Variants in FAM13B observed in about 807,000 individuals in gnomAD.
The protein encoded by FAM13B is family with sequence similarity 13 member B, also known as protein FAM13B.
FAM13B carries 60 observed loss-of-function variants against 117.3 expected under a neutral mutation model. That is an observed-to-expected ratio of 0.51 (90% CI 0.42 to 0.63). The LOEUF is 0.63. Among genes scored for constraint, FAM13B ranks in the 30% least tolerant of loss-of-function variants. The pLI, the probability that FAM13B is intolerant of heterozygous loss-of-function variation, is 0.00. For missense variants in FAM13B, 972 were observed against 1,091.9 expected, an observed-to-expected ratio of 0.89 and a Z score of 1.55; for synonymous variants, 332 against 356.1, an observed-to-expected ratio of 0.93 and a Z score of 0.76.
chr5:138,008,221 C>A (rs1377149697), intron 6 of FAM13B, among the ~76,000 whole-genome samples: 1 of 152,018 alleles, frequency 6.6e-6, no homozygotes, highest in Non-Finnish European at 1.5e-5. Flanking sequence ...GGGTTGGAAC[C>A]CTTGAACCCA....
intron 7 of FAM13B, among the ~76,000 whole-genome samples, chr5:138,003,519 A>T (rs777593049): frequency 6.6e-6 from 1 of 152,196 alleles, no homozygotes; most frequent in Admixed American, 6.5e-5. Flanking sequence ...CATAAATATT[A>T]CTAAATCTAG....
chr5:137,982,351 G>C (rs570927024), intron 10 of FAM13B, among the ~76,000 whole-genome samples: 1 of 152,122 alleles, frequency 6.6e-6, no homozygotes, highest in Admixed American at 6.6e-5. Flanking sequence ...TCAGGAGCTC[G>C]AGACCAGTCT....
chr5:138,033,399 GCC>G (rs1790717391), upstream of FAM13B, among the ~76,000 whole-genome samples: 1 of 152,200 alleles, frequency 6.6e-6, no homozygotes, highest in South Asian at 2.1e-4. Flanking sequence ...AGGAAGCCAG[GCC>G]CCCAGGGCGC....
chr5:137,973,195 C>G (rs1318449923), intron 10 of FAM13B, among the ~76,000 whole-genome samples: 2 of 152,204 alleles, frequency 1.3e-5, no homozygotes, highest in African/African-American at 4.8e-5. Flanking sequence ...ATCACACTAC[C>G]TGACTTCAAA....
intron 2 of FAM13B, among the ~76,000 whole-genome samples, chr5:138,020,153 T>C (rs994540568): frequency 6.6e-6 from 1 of 151,964 alleles, no homozygotes; most frequent in African/African-American, 2.4e-5. Context: ...ATTCACCGCC[T>C]GGGTTCAGGC....
intron 10 of FAM13B, among the ~76,000 whole-genome samples, chr5:137,967,417 G>A (rs1031481380): frequency 2.0e-5 from 3 of 152,104 alleles, no homozygotes; most frequent in South Asian, 4.1e-4. Context: ...CTAGCTACTC[G>A]GGAGGCTGAG....
Position 137,942,778 on chromosome 5 carries a change from T to C in FAM13B, c.2588+97A>G, listed in dbSNP as rs1403776698. 58 of 999,868 alleles carry C rather than the reference T, an allele frequency of 5.8e-5. No individual in the cohort carries two copies. In the South Asian group the frequency reaches 9.3e-4, roughly 16 times the overall value. The allele number at this position is 999,868 out of a possible 1,614,324, so 61.9% of individuals were successfully genotyped here. ...TGTCCTTTGATAAATTCTTGATTCA[T>C]CTCCTATTAATTCCTTAATACTCAT... is the stretch of plus-strand genomic sequence containing the variant. On this transcript the variant is annotated intron_variant, in intron 22 of 23. Transcript: ENST00000689681.
At chr5:137,988,830 A>C (rs1210760822) in intron 7 of FAM13B, among the ~76,000 whole-genome samples, 21 of 152,182 alleles carry the variant, frequency 1.4e-4, no homozygotes, top group Admixed American at 1.4e-3. Context: ...TGATGAACCT[A>C]ATTTTCTAAA....
At chr5:138,006,071 G>C (rs1182453553) in intron 7 of FAM13B, among the ~76,000 whole-genome samples, 3 of 152,062 alleles carry the variant, frequency 2.0e-5, no homozygotes, top group African/African-American at 4.8e-5. Context: ...GCTAATTTTT[G>C]TATTTTTAGT....
intron 7 of FAM13B, among the ~76,000 whole-genome samples, chr5:137,996,737 G>A (rs1028748048): frequency 1.3e-5 from 2 of 151,938 alleles, no homozygotes; most frequent in East Asian, 1.9e-4. Context: ...GATTACAGGC[G>A]CTCACCAACA....
Position 137,940,297 on chromosome 5 carries a change from G to A in FAM13B, c.2742C>T (p.Tyr914=), listed in dbSNP as rs774438924. Residue 914 remains tyrosine, a synonymous_variant, in exon 24 of 24, where the codon TAC becomes TAT. Transcript: ENST00000689681. ...RVPVLEEYRE[Y]KKIKAKLRLL... is the part of the protein sequence containing the mutation. ...GCCTAAGCTTGGCTTTAATTTTCTTGTACTCTCTGTACTCCTCAAGCACTG... is the reference window on the plus strand; with the variant it reads ...GCCTAAGCTTGGCTTTAATTTTCTTATACTCTCTGTACTCCTCAAGCACTG... 6.2e-7 allele frequency: 1 copy of A among 1,608,850 alleles called. No homozygotes were observed. The highest frequency in any genetic ancestry group is 8.5e-7 in the Non-Finnish European group (1 of 1,175,382).
At chr5:137,966,178 T>C (rs1044620694) in intron 10 of FAM13B, among the ~76,000 whole-genome samples, 37 of 151,794 alleles carry the variant, frequency 2.4e-4, no homozygotes, top group Non-Finnish European at 4.7e-4. Context: ...GGCTCATGCC[T>C]GTAATCCCAG....
At chr5:138,024,946 C>T (rs1402420311) in intron 1 of FAM13B, among the ~76,000 whole-genome samples, 1 of 151,820 alleles carries the variant, frequency 6.6e-6, no homozygotes, top group Non-Finnish European at 1.5e-5. Context: ...TCTCAGCTCA[C>T]TGCAACCTCT....
chr5:138,032,807 C>A lies in FAM13B; in HGVS notation c.-228G>T. On this transcript the variant is annotated 5_prime_UTR_variant, in exon 1 of 24. In the 5' UTR this introduces an upstream ATG that the reference lacks. Coordinates refer to ENST00000689681, the MANE Select transcript of FAM13B (RefSeq NM_001385994.1). ...CGTTGGAACCGCGATGCCCCGTTCC[C>A]TGGCCGCGGCCGCTTCTCCAGGACC... 1.0e-6 allele frequency: 1 copy of A among 985,810 alleles called. No individual in the cohort carries two copies. Among genetic ancestry groups the A allele is most frequent in the Non-Finnish European group, 1.2e-6 (1 of 829,978 alleles). The allele number at this position is 985,810 out of a possible 1,614,324, so 61.1% of individuals were successfully genotyped here.
intron 10 of FAM13B, among the ~76,000 whole-genome samples, chr5:137,982,336 T>C (rs1234393298): frequency 2.0e-5 from 3 of 152,190 alleles, no homozygotes; most frequent in Admixed American, 1.3e-4. Context: ...GCAGATCACC[T>C]GAGGTCAGGA....
intron 1 of FAM13B, among the ~76,000 whole-genome samples, chr5:138,044,152 CTCCTG>C: frequency 6.6e-6 from 1 of 152,082 alleles, no homozygotes; most frequent in Admixed American, 6.5e-5. Context: ...TGGTCTTGAA[CTCCTG>C]GCCTCAAGCG....
chr5:138,049,374 A>C (rs887516043), intron 1 of FAM13B, among the ~76,000 whole-genome samples: 5 of 152,102 alleles, frequency 3.3e-5, no homozygotes, highest in Non-Finnish European at 7.4e-5. Flanking sequence ...CCCGGGTTCA[A>C]GCGATTCTCC....
chr5:137,979,872 C>T (rs1168352666), intron 10 of FAM13B, among the ~76,000 whole-genome samples: 1 of 151,902 alleles, frequency 6.6e-6, no homozygotes, highest in Non-Finnish European at 1.5e-5. Context: ...TCATTGAAAA[C>T]TTAAATCGAC....
intron 10 of FAM13B, among the ~76,000 whole-genome samples, chr5:137,969,854 G>A (rs1771473530): frequency 6.6e-6 from 1 of 152,288 alleles, no homozygotes; most frequent in South Asian, 2.1e-4. Flanking sequence ...GGAAGAAGGG[G>A]TATCAGTGAT....
Sources: allele counts gnomAD v4.1 joint callset (sites outside exome capture counted in the v4.1 genomes callset), GRCh38; gene constraint gnomAD v4.1.1; transcripts MANE v1.5; gene names NCBI Gene and HGNC (gene_info 2026-07-23, HGNC 2026-07-21).